The following XYLT2 variants were observed in gnomAD, a reference collection of about 807,000 sequenced individuals.
XYLT2 encodes xylosyltransferase 2.
XYLT2 carries 37 observed loss-of-function variants against 82.6 expected under a neutral mutation model. The observed-to-expected ratio is 0.45, with a 90% CI of 0.34 to 0.59. The LOEUF (loss-of-function observed/expected upper bound fraction) is 0.59. Ranked by LOEUF, XYLT2 falls within the 20% of genes least tolerant of loss-of-function variation. The probability of loss-of-function intolerance (pLI) is 0.01; values close to 1 mark genes in which losing one functional copy is unlikely to be tolerated. For synonymous variants in XYLT2, 474 were observed against 499.0 expected (o/e 0.95, Z 0.67); for missense variants, 934 against 1,181.3 (o/e 0.79, Z 3.07).
chr17:50,353,038 C>T (rs1349649856), intron 1 of XYLT2, among the ~76,000 whole-genome samples: 1 of 152,206 alleles, frequency 6.6e-6, no homozygotes. Flanking sequence ...GAATCTCATG[C>T]CCTCTCACTC....
chr17:50,357,829 C>CT, intron 9 of XYLT2: 1 of 202,154 alleles, frequency 4.9e-6, no homozygotes, highest in Non-Finnish European at 1.0e-5. Flanking sequence ...ATCCACCCGC[C>CT]TCGGCCTCCC....
chr17:50,353,529 A>T, intron 1 of XYLT2, 101 bp from the exon 2 acceptor site: 9 of 1,482,672 alleles, frequency 6.1e-6, no homozygotes, highest in Non-Finnish European at 8.1e-6. Context: ...AAAGGTGGGC[A>T]GGAACATCTA....
chr17:50,354,644 A>G lies in XYLT2; in HGVS notation c.804+61A>G, dbSNP rs565178471. ...GAGCAGAGCAGAAACAGAAGGTTGC[A>G]GACAGACAGAGTCTCTGACCTGGCC... On this transcript the variant is annotated intron_variant, in intron 3 of 10. Transcript: ENST00000017003. 172 of 1,558,074 alleles carry G rather than the reference A, an allele frequency of 1.1e-4. 2 individuals carry two copies. In the South Asian group the frequency reaches 1.9e-3, roughly 17 times the overall value.
rs1008744587 is a variant in XYLT2 at position 50,358,368 on chromosome 17, T to C, written c.2103T>C (p.Tyr701=). 2 of 1,614,074 alleles carry C rather than the reference T, an allele frequency of 1.2e-6. No individual in the cohort carries two copies. Among genetic ancestry groups the C allele is most frequent in the Non-Finnish European group, 1.7e-6 (2 of 1,180,044 alleles). ...CAACCTATGTGGTGGCCACATCTTA[T>C]GACATCACAGTAGATACGGAGACTG... The part of the protein sequence containing the change: ...IDPTYVVATS[Y]DITVDTETEV... Residue 701 remains tyrosine (Y), a synonymous_variant, in exon 10 of 11, where the codon TAT becomes TAC. Transcript: ENST00000017003.
At chr17:50,354,168 G>A in intron 2 of XYLT2, 46 bp downstream of exon 2, 1 of 1,596,994 alleles carries the variant, frequency 6.3e-7, no homozygotes, top group Non-Finnish European at 8.5e-7. Context: ...GGGGCAGGGG[G>A]GTGGCATGGC....
intron 1 of XYLT2, among the ~76,000 whole-genome samples, chr17:50,350,821 CATCTGA>C (rs1912236900): frequency 6.6e-6 from 1 of 151,972 alleles, no homozygotes; most frequent in Admixed American, 6.6e-5. Context: ...GAGAAGATGC[CATCTGA>C]ACAAAGAATT....
intron 1 of XYLT2, among the ~76,000 whole-genome samples, chr17:50,347,434 C>A (rs575758341): frequency 1.0e-3 from 158 of 152,112 alleles, no homozygotes; most frequent in African/African-American, 3.7e-3. Context: ...AACAGAGTCA[C>A]ATGAGACCAT....
intron 9 of XYLT2, 77 bp downstream of exon 9, chr17:50,357,329 A>AAGGG (rs1389528494): frequency 3.6e-6 from 5 of 1,389,202 alleles, no homozygotes; most frequent in Non-Finnish European, 4.8e-6. Context: ...GACAGACACC[A>AAGGG]AGGGAGGGGT....
rs1912572265 is a variant in XYLT2 at position 50,357,068 on chromosome 17, G to C, written c.1757G>C (p.Arg586Thr). 2 of 1,605,200 alleles carry C rather than the reference G, an allele frequency of 1.2e-6. No homozygotes were observed. The highest frequency in any genetic ancestry group is 4.5e-5 in the East Asian group (2 of 44,800). Reference sequence around the variant, plus strand: ...TGCTGGCACCTTAGGTTTGAGCCCAGGGGCTTGCCGTCCAGCGTGCACCTG... The same window carrying C: ...TGCTGGCACCTTAGGTTTGAGCCCACGGGCTTGCCGTCCAGCGTGCACCTG... ...MGTPLCRFEP[R>T]GLPSSVHLYF... Residue 586 changes from arginine to threonine, a missense_variant, in exon 9 of 11, where the codon AGG (arginine) becomes ACG (threonine). Around this residue, in one of 3 missense-constraint regions of XYLT2, gnomAD observed 374 missense variants for 465.6 expected, o/e 0.80. Coordinates refer to ENST00000017003, the MANE Select transcript of XYLT2 (RefSeq NM_022167.4).
At chr17:50,356,872 G>T (rs1474721263) in intron 8 of XYLT2, 99 bp downstream of exon 8, 5 of 1,509,794 alleles carry the variant, frequency 3.3e-6, no homozygotes, top group Non-Finnish European at 3.5e-6. Context: ...CAAGGCCCCA[G>T]TCTGAAGCAG....
At chr17:50,355,752 C>A in intron 5 of XYLT2, 29 bp from the exon 6 acceptor site, 1 of 1,612,712 alleles carries the variant, frequency 6.2e-7, no homozygotes, top group Non-Finnish European at 8.5e-7. Flanking sequence ...CTGCAGGATC[C>A]CCAGCCATGG....
chr17:50,349,381 C>G (rs888103171), intron 1 of XYLT2, among the ~76,000 whole-genome samples: 6 of 152,158 alleles, frequency 3.9e-5, no homozygotes, highest in Admixed American at 3.9e-4. Flanking sequence ...AGAATAGGGT[C>G]TGCTGCCTCC....
chr17:50,356,003 T>TGG lies in XYLT2; in HGVS notation c.1305+6_1305+7insGG. The TGG allele has an allele frequency of 6.2e-7, 1 of 1,614,180 alleles. No individual in the cohort carries two copies. Among genetic ancestry groups the TGG allele is most frequent in the African/African-American group, 1.3e-5 (1 of 75,052 alleles). On this transcript the variant is annotated splice_region_variant and intron_variant, in intron 6 of 10. Transcript: ENST00000017003. ...ACACACTGCTCCCAGCCGAGGTGGGTAGCCCAGCAGGCATGAAGGCCAGGG... is the reference window on the plus strand; with the variant it reads ...ACACACTGCTCCCAGCCGAGGTGGGTGGAGCCCAGCAGGCATGAAGGCCAGGG...
intron 9 of XYLT2, chr17:50,357,527 G>T: frequency 2.6e-6 from 1 of 388,620 alleles, no homozygotes; most frequent in Non-Finnish European, 4.5e-6. Flanking sequence ...CAGAGATTTC[G>T]CCTAGAGGGG....
chr17:50,356,488 C>A, intron 7 of XYLT2, 23 bp from the exon 8 acceptor site: 1 of 1,611,340 alleles, frequency 6.2e-7, no homozygotes, highest in Non-Finnish European at 8.5e-7. Flanking sequence ...AGCCCTTCAC[C>A]CTCCTTGCCT....
chr17:50,354,655 G>A (rs1912430734), intron 3 of XYLT2, 72 bp downstream of exon 3: 3 of 1,544,404 alleles, frequency 1.9e-6, no homozygotes, highest in African/African-American at 1.4e-5. Flanking sequence ...GACAGACAGA[G>A]TCTCTGACCT....
Position 50,360,189 on chromosome 17 carries a change from C to T in XYLT2, c.2496C>T (p.Pro832=), listed in dbSNP as rs752967401. 3.7e-6 allele frequency: 6 copies of T among 1,614,094 alleles called. No individual in the cohort carries two copies. The highest frequency in any genetic ancestry group is 5.1e-6 in the Non-Finnish European group (6 of 1,179,968). ...GACTGTGTGCCATAGGCCCCTCTCC[C>T]TGCCCCTCCCTGGAGCCCTGCAGAC... ...VAGLCAIGPS[P]CPSLEPCRLT... Residue 832 remains proline, a synonymous_variant, in exon 11 of 11, where the codon CCC becomes CCT. Transcript: ENST00000017003.
At chr17:50,353,402 G>A (rs962149514) in intron 1 of XYLT2, among the ~76,000 whole-genome samples, 9 of 152,196 alleles carry the variant, frequency 5.9e-5, no homozygotes, top group Admixed American at 5.2e-4. Flanking sequence ...AGTGGGGGAC[G>A]GGGGTGTTGG....
intron 9 of XYLT2, 91 bp downstream of exon 9, chr17:50,357,343 G>A: frequency 7.5e-7 from 1 of 1,335,862 alleles, no homozygotes; most frequent in African/African-American, 1.5e-5. Flanking sequence ...GAGGGGTAAG[G>A]TTATTTTTCC....
Sources: allele counts gnomAD v4.1 joint callset (sites outside exome capture counted in the v4.1 genomes callset), GRCh38; gene constraint gnomAD v4.1.1; regional missense constraint gnomAD v4.1.1; transcripts MANE v1.5; gene names NCBI Gene and HGNC (gene_info 2026-07-23, HGNC 2026-07-21).